CFB: variants seen among roughly 807,000 people sequenced by gnomAD.
CFB encodes B-factor, properdin.
CFB carries 59 observed loss-of-function variants against 97.2 expected under a neutral mutation model. The ratio of observed to expected loss-of-function variants is 0.61; its 90% CI spans 0.49 to 0.75. CFB has a LOEUF of 0.75. CFB is among the 30% of genes least tolerant of loss of function. CFB has a pLI of 0.00. For missense variants in CFB, 771 were observed against 959.8 expected, an observed-to-expected ratio of 0.80 and a Z score of 2.60; for synonymous variants, 316 against 351.7, an observed-to-expected ratio of 0.90 and a Z score of 1.14.
chr6:31,948,744 G>A (rs1318740310), intron 7 of CFB, 86 bp from the exon 8 acceptor site: 2 of 1,604,618 alleles, frequency 1.2e-6, no homozygotes, highest in African/African-American at 2.7e-5. Flanking sequence ...GTTGAAAGAT[G>A]TGGGATTTCA....
At position 31,948,836 on chromosome 6, in the gene CFB, A is replaced by T. The variant is rs148898364; in HGVS notation, c.1043A>T (p.Lys348Met). 2.5e-5 allele frequency: 40 copies of T among 1,612,928 alleles called. No individual in the cohort carries two copies. In the African/African-American group the frequency reaches 4.7e-4, roughly 19 times the overall value. Residue 348 changes from lysine (K) to methionine (M), a missense_variant, in exon 8 of 18, where the codon AAG becomes ATG. Coordinates refer to ENST00000425368, the MANE Select transcript of CFB (RefSeq NM_001710.6). ...GTCTCTTCCCTCTCCACAGACCACAAGTTGAAGTCAGGGACTAACACCAAG... is the reference window on the plus strand; with the variant it reads ...GTCTCTTCCCTCTCCACAGACCACATGTTGAAGTCAGGGACTAACACCAAG... ...QLNEINYEDH[K>M]LKSGTNTKKA... is the part of the protein sequence containing the mutation.
rs377549343 is a variant in CFB, at chr6:31,947,750, A to G, written c.667A>G (p.Met223Val). 34 of 1,612,904 alleles carry G rather than the reference A, an allele frequency of 2.1e-5. No homozygotes were observed. Among genetic ancestry groups the G allele is most frequent in the Non-Finnish European group, 2.6e-5 (31 of 1,179,984 alleles). ...GTEPSCQDSF[M>V]YDTPQEVAEA... ...ATTTCTGACTCTCCCAGACTCCTTC[A>G]TGTACGACACCCCTCAAGAGGTGGC... The change falls in exon 5 of 18, where the codon ATG becomes GTG. Residue 223 changes from methionine (M) to valine (V), a missense_variant. Coordinates refer to ENST00000425368, the MANE Select transcript of CFB (RefSeq NM_001710.6). The surrounding 1 kb of genome is among the most constrained non-coding windows in gnomAD (Gnocchi z 5.3).
At position 31,949,496 on chromosome 6, in the gene CFB, G is replaced by A. The variant is rs1478235014; in HGVS notation, c.1347G>A (p.Glu449=). The change falls in exon 10 of 18, where the codon GAG becomes GAA. Residue 449 remains glutamate, a synonymous_variant. Transcript: ENST00000425368. Reference sequence around the variant, plus strand: ...CTTTGGCTTCCAAGAAAGACAATGAGCAACATGTGTTCAAAGTCAAGGATA... The same window carrying A: ...CTTTGGCTTCCAAGAAAGACAATGAACAACATGTGTTCAAAGTCAAGGATA... ...INALASKKDN[E]QHVFKVKDME... 1.2e-6 allele frequency: 2 copies of A among 1,613,916 alleles called. No homozygotes were observed. The highest frequency in any genetic ancestry group is 1.3e-5 in the African/African-American group (1 of 75,054).
In CFB at chr6:31,947,337, T is replaced by C; in HGVS notation, c.485-11T>C. 4 of 1,612,932 alleles carry C rather than the reference T, an allele frequency of 2.5e-6. No individual in the cohort carries two copies. Among genetic ancestry groups the C allele is most frequent in the Non-Finnish European group, 3.4e-6 (4 of 1,180,024 alleles). On this transcript the variant is annotated splice_polypyrimidine_tract_variant and intron_variant, in intron 3 of 17. Coordinates refer to ENST00000425368, the MANE Select transcript of CFB (RefSeq NM_001710.6). This position sits in a 1 kb window ranked among gnomAD's most constrained non-coding sequence, Gnocchi z 5.3. The stretch of plus-strand genomic sequence containing the variant: ...CTTCAGTGCTTACCTCGATGTCTCA[T>C]ACCTCTGCAGCGGGGTACTGCTCCA...
rs893822801 is a variant in CFB at position 31,947,875 on chromosome 6, G to A, written c.760+32G>A. 1.9e-6 allele frequency: 3 copies of A among 1,614,144 alleles called. No homozygotes were observed. Among genetic ancestry groups the A allele is most frequent in the Non-Finnish European group, 2.5e-6 (3 of 1,180,028 alleles). The stretch of plus-strand genomic sequence containing the variant: ...AGACAGAGAAGGGAGGCAGGGCAGG[G>A]AACTGGGGGAAAATGGAGAAGGGAC... On this transcript the variant is annotated intron_variant, in intron 5 of 17. Coordinates refer to ENST00000425368, the MANE Select transcript of CFB (RefSeq NM_001710.6). The surrounding 1 kb of genome is among the most constrained non-coding windows in gnomAD (Gnocchi z 5.3).
Position 31,946,599 on chromosome 6 carries a change from G to A in CFB, c.291G>A (p.Glu97=), listed in dbSNP as rs138236643. The A allele has an allele frequency of 4.8e-4, 771 of 1,608,750 alleles. No individual in the cohort carries two copies. Among genetic ancestry groups the A allele is most frequent in the Non-Finnish European group, 6.3e-4 (748 of 1,179,986 alleles). ...ACCAAAAGACTGTCAGGAAGGCAGA[G>A]TGCAGAGGTTTGAGGGCAATGAGTG... ...TQDQKTVRKA[E]CRAIHCPRPH... Residue 97 remains glutamate, a synonymous_variant, in exon 2 of 18, where the codon GAG becomes GAA. Transcript: ENST00000425368. The surrounding 1 kb of genome is among the most constrained non-coding windows in gnomAD (Gnocchi z 6.4).
At position 31,951,825 on chromosome 6, in the gene CFB, AG is replaced by A. The variant is rs1219052344; in HGVS notation, c.2140-48del. ...CACAAGCAGGAACAGCCATGCTTCC[AG>A]GATTAGGAATTCTACTGAATGATCC... On this transcript the variant is annotated intron_variant, in intron 17 of 17. Coordinates refer to ENST00000425368, the MANE Select transcript of CFB (RefSeq NM_001710.6). This position sits in a 1 kb window ranked among gnomAD's most constrained non-coding sequence, Gnocchi z 4.3. The A allele has an allele frequency of 6.2e-7, 1 of 1,612,636 alleles. No homozygotes were observed. Among genetic ancestry groups the A allele is most frequent in the African/African-American group, 1.3e-5 (1 of 75,028 alleles).
rs751338705 is a variant in CFB at position 31,948,033 on chromosome 6, C to T, written c.849C>T (p.Ala283=). ...LVLDGSDSIG[A]SNFTGAKKCL... ...TAGATGGATCAGACAGCATTGGGGC[C>T]AGCAACTTCACAGGAGCCAAAAAGT... The change falls in exon 6 of 18, where the codon GCC becomes GCT. Residue 283 remains alanine (A), a synonymous_variant. Transcript: ENST00000425368. The T allele has an allele frequency of 1.2e-6, 2 of 1,614,172 alleles. No homozygotes were observed. Among genetic ancestry groups the T allele is most frequent in the African/African-American group, 1.3e-5 (1 of 75,030 alleles).
At position 31,949,353 on chromosome 6, in the gene CFB, C is replaced by T; in HGVS notation, c.1270+9C>T. 6.2e-7 allele frequency: 1 copy of T among 1,614,198 alleles called. No individual in the cohort carries two copies. Among genetic ancestry groups the T allele is most frequent in the Non-Finnish European group, 8.5e-7 (1 of 1,180,040 alleles). On this transcript the variant is annotated intron_variant, in intron 9 of 17. Transcript: ENST00000425368. ...AAGGGAGGATTATCTGGGTGAGTAA[C>T]CTGCCTAGGACCCAGCACCCCACTT...
rs1208636358 is a variant in CFB at position 31,947,287 on chromosome 6, T to C, written c.485-61T>C. ...GCTCCGGACACTGTAACTCTTGCTC[T>C]CTACCTTGCTCACGGGGCCTCAGGC... On this transcript the variant is annotated intron_variant, in intron 3 of 17. Coordinates refer to ENST00000425368, the MANE Select transcript of CFB (RefSeq NM_001710.6). The surrounding 1 kb of genome is among the most constrained non-coding windows in gnomAD (Gnocchi z 5.3). The C allele has an allele frequency of 1.9e-6, 3 of 1,611,798 alleles. No individual in the cohort carries two copies. The African/African-American group carries it at 4.0e-5, about 22-fold the overall frequency.
In CFB at chr6:31,951,222, T is replaced by C; in HGVS notation, c.1934T>C (p.Val645Ala). ...EEEKKLTRKE[V>A]YIKNGDKKGS... Reference sequence around the variant, plus strand: ...GAGAAAAAGCTGACTCGGAAGGAGGTCTACATCAAGAATGGGGATAAGGTG... The same window carrying C: ...GAGAAAAAGCTGACTCGGAAGGAGGCCTACATCAAGAATGGGGATAAGGTG... Residue 645 changes from valine to alanine, a missense_variant, in exon 15 of 18, where the codon GTC becomes GCC. Physicochemically the swap from Val to Ala is moderately conservative, Grantham distance 64 (BLOSUM62 0). Transcript: ENST00000425368. This position sits in a 1 kb window ranked among gnomAD's most constrained non-coding sequence, Gnocchi z 4.3. The C allele has an allele frequency of 1.2e-6, 2 of 1,612,928 alleles. No individual in the cohort carries two copies. The highest frequency in any genetic ancestry group is 1.7e-6 in the Non-Finnish European group (2 of 1,179,986).
chr6:31,950,994 G>A (rs1406876908), intron 14 of CFB, 50 bp downstream of exon 14: 5 of 1,602,366 alleles, frequency 3.1e-6, no homozygotes, highest in Non-Finnish European at 4.3e-6. Flanking sequence ...AGAGACAAGT[G>A]GGGCATGAGA....
rs112884342 is a variant in CFB, at chr6:31,946,905, G to C, written c.299-102G>C. The C allele has an allele frequency of 4.1e-5, 50 of 1,228,014 alleles. 1 individual carries two copies. In the Middle Eastern group the frequency reaches 2.6e-3, roughly 63 times the overall value. The allele number at this position is 1,228,014 out of a possible 1,614,324, so 76.1% of individuals were successfully genotyped here. On this transcript the variant is annotated intron_variant, in intron 2 of 17. Transcript: ENST00000425368. This position sits in a 1 kb window ranked among gnomAD's most constrained non-coding sequence, Gnocchi z 6.4. Reference sequence around the variant, plus strand: ...TAAGATGCTGCTTCTGCGGGACTGGGAATGCGCTGTTTCTCAGTGACATGG... The same window carrying C: ...TAAGATGCTGCTTCTGCGGGACTGGCAATGCGCTGTTTCTCAGTGACATGG...
rs117905900 is a variant in CFB at position 31,948,042 on chromosome 6, C to T, written c.858C>T (p.Phe286=). The change falls in exon 6 of 18, where the codon TTC becomes TTT. Residue 286 remains phenylalanine (F), a synonymous_variant. Coordinates refer to ENST00000425368, the MANE Select transcript of CFB (RefSeq NM_001710.6). ...CAGACAGCATTGGGGCCAGCAACTT[C>T]ACAGGAGCCAAAAAGTGTCTAGTCA... ...DGSDSIGASN[F]TGAKKCLVNL... The T allele has an allele frequency of 2.6e-3, 4,183 of 1,614,186 alleles. 132 individuals are homozygous for T. In the Admixed American group the frequency reaches 0.039, roughly 15 times the overall value.
rs1373910337 is a variant in CFB at position 31,947,816 on chromosome 6, G to A, written c.733G>A (p.Val245Ile). ...TTCCCTGACAGAGACCATAGAAGGAGTCGATGCTGAGGATGGGCACGGCCC... is the reference window on the plus strand; with the variant it reads ...TTCCCTGACAGAGACCATAGAAGGAATCGATGCTGAGGATGGGCACGGCCC... The part of the protein sequence containing the change: ...LSSLTETIEG[V>I]DAEDGHGPGE... Residue 245 changes from valine to isoleucine, a missense_variant, in exon 5 of 18, where the codon GTC (valine) becomes ATC (isoleucine). Physicochemically the swap from Val to Ile is conservative, Grantham distance 29. Coordinates refer to ENST00000425368, the MANE Select transcript of CFB (RefSeq NM_001710.6). This position sits in a 1 kb window ranked among gnomAD's most constrained non-coding sequence, Gnocchi z 5.3. 6.2e-7 allele frequency: 1 copy of A among 1,613,832 alleles called. No individual in the cohort carries two copies. The highest frequency in any genetic ancestry group is 1.7e-5 in the Admixed American group (1 of 60,030).
chr6:31,949,012 CAT>C, intron 8 of CFB, 51 bp downstream of exon 8: 1 of 1,611,606 alleles, frequency 6.2e-7, no homozygotes, highest in Non-Finnish European at 8.5e-7. Flanking sequence ...CTCAGACCAG[CAT>C]GTGGCCCTTA....
intron 11 of CFB, 63 bp from the exon 12 acceptor site, chr6:31,950,223 A>C (rs1330566463): frequency 4.4e-6 from 7 of 1,605,602 alleles, no homozygotes; most frequent in Non-Finnish European, 6.0e-6. Flanking sequence ...GAAGGAAAAA[A>C]TGGCCATAAG....
Position 31,947,308 on chromosome 6 carries a change from C to T in CFB, c.485-40C>T, listed in dbSNP as rs1294762014. 1 of 1,612,662 alleles carries T rather than the reference C, an allele frequency of 6.2e-7. No individual in the cohort carries two copies. Among genetic ancestry groups the T allele is most frequent in the East Asian group, 2.2e-5 (1 of 44,882 alleles). ...GCTCTCTACCTTGCTCACGGGGCCTCAGGCTTCAGTGCTTACCTCGATGTC... is the reference window on the plus strand; with the variant it reads ...GCTCTCTACCTTGCTCACGGGGCCTTAGGCTTCAGTGCTTACCTCGATGTC... On this transcript the variant is annotated intron_variant, in intron 3 of 17. Coordinates refer to ENST00000425368, the MANE Select transcript of CFB (RefSeq NM_001710.6). This position sits in a 1 kb window ranked among gnomAD's most constrained non-coding sequence, Gnocchi z 5.3.
chr6:31,948,060 T>C lies in CFB; in HGVS notation c.876T>C (p.Cys292=). The C allele has an allele frequency of 2.5e-6, 4 of 1,614,108 alleles. No homozygotes were observed. The highest frequency in any genetic ancestry group is 3.4e-6 in the Non-Finnish European group (4 of 1,180,014). The change falls in exon 6 of 18, where the codon TGT becomes TGC. Residue 292 remains cysteine, a synonymous_variant. Transcript: ENST00000425368. ...GASNFTGAKK[C]LVNLIEKVAS... is the part of the protein sequence containing the mutation. ...GCAACTTCACAGGAGCCAAAAAGTG[T>C]CTAGTCAACTTAATTGAGAAGGTGG...
Sources: allele counts gnomAD v4.1 joint callset, GRCh38; gene constraint gnomAD v4.1.1; non-coding constraint Gnocchi (gnomAD v3.1); transcripts MANE v1.5; gene names NCBI Gene and HGNC (gene_info 2026-07-23, HGNC 2026-07-21).